Variants in AGBL4 observed in about 807,000 individuals in gnomAD.
AGBL4 encodes the protein cytosolic carboxypeptidase 6.
A neutral mutation model predicts 66.4 loss-of-function variants in AGBL4; 58 were observed. That is an observed-to-expected ratio of 0.87 (90% CI 0.71 to 1.09). The LOEUF (loss-of-function observed/expected upper bound fraction) is 1.09. Among genes scored for constraint, AGBL4 ranks in the 50% least tolerant of loss-of-function variants. The probability of loss-of-function intolerance (pLI) is 0.00; values close to 1 mark genes in which losing one functional copy is unlikely to be tolerated. For missense variants in AGBL4, 579 were observed against 631.0 expected (o/e 0.92, Z 0.88); for synonymous variants, 234 against 222.9 (o/e 1.05, Z -0.44).
At chr1:49,745,490 T>C (rs1380917887) in intron 2 of AGBL4, among the ~76,000 whole-genome samples, 3 of 152,046 alleles carry the variant, frequency 2.0e-5, no homozygotes, top group Non-Finnish European at 2.9e-5. Flanking sequence ...ATAGTATATA[T>C]AGTGTTCAGA....
At chr1:48,916,131 G>T (rs1218125899) in intron 5 of AGBL4, among the ~76,000 whole-genome samples, 1 of 152,190 alleles carries the variant, frequency 6.6e-6, no homozygotes, top group African/African-American at 2.4e-5. Context: ...CAGGGCAAGG[G>T]CTTAGTGAAT....
chr1:48,667,807 T>C (rs912334518), intron 6 of AGBL4, among the ~76,000 whole-genome samples: 3 of 152,282 alleles, frequency 2.0e-5, no homozygotes, highest in Non-Finnish European at 2.9e-5. Flanking sequence ...CTGTTGCTGG[T>C]AGAGGTAGAT....
chr1:48,848,713 A>G (rs1402582821), intron 6 of AGBL4, among the ~76,000 whole-genome samples: 1 of 152,190 alleles, frequency 6.6e-6, no homozygotes, highest in African/African-American at 2.4e-5. Flanking sequence ...TTCTTTGGGC[A>G]CTGTGAAGTC....
chr1:49,671,171 G>A (rs914540820), intron 3 of AGBL4, among the ~76,000 whole-genome samples: 3 of 151,858 alleles, frequency 2.0e-5, no homozygotes, highest in African/African-American at 4.8e-5. Context: ...TAGAGAGCCC[G>A]GAAATAAAGC....
chr1:48,579,895 G>A (rs1644712385), intron 11 of AGBL4, among the ~76,000 whole-genome samples: 1 of 145,142 alleles, frequency 6.9e-6, no homozygotes, highest in Non-Finnish European at 1.5e-5. Context: ...TCCAGCCTGG[G>A]CGAAAGTGAG....
At chr1:48,976,750 CT>C (rs1659367907) in intron 5 of AGBL4, among the ~76,000 whole-genome samples, 1 of 152,080 alleles carries the variant, frequency 6.6e-6, no homozygotes, top group African/African-American at 2.4e-5. Context: ...CTGGAATGCT[CT>C]TCCCCTAGAG....
chr1:48,644,737 G>T (rs1455801196), intron 8 of AGBL4, among the ~76,000 whole-genome samples: 3 of 152,196 alleles, frequency 2.0e-5, no homozygotes, highest in Admixed American at 6.5e-5. Flanking sequence ...AAGCTGAAAA[G>T]AAAGTTTGAG....
rs1356058083 is a variant in AGBL4 at position 48,816,737 on chromosome 1, C to T, written c.634+50454G>A. Among the ~76,000 whole-genome samples, 5 of 152,140 alleles carry T rather than the reference C, an allele frequency of 3.3e-5. No individual in the cohort carries two copies. The East Asian group carries it at 7.7e-4, about 23-fold the overall frequency. On this transcript the variant is annotated intron_variant, in intron 6 of 13. Coordinates refer to ENST00000371839, the MANE Select transcript of AGBL4 (RefSeq NM_032785.4). ...TACAGTAATTCAACAAATGTTTGAA[C>T]ACCAACTATGTGCCCAGCAGAGAGA...
intron 1 of AGBL4, among the ~76,000 whole-genome samples, chr1:49,922,421 T>C (rs1357503021): frequency 1.3e-5 from 2 of 152,034 alleles, no homozygotes; most frequent in African/African-American, 4.8e-5. Flanking sequence ...CTCTCACCAC[T>C]CCAATTCAAC....
intron 4 of AGBL4, among the ~76,000 whole-genome samples, chr1:49,095,818 C>A (rs1248957385): frequency 6.6e-6 from 1 of 151,266 alleles, no homozygotes; most frequent in African/African-American, 2.4e-5. Flanking sequence ...GCAATGGCAA[C>A]AAAAGCCAAA....
At chr1:48,772,337 T>C (rs1644877469) in intron 6 of AGBL4, among the ~76,000 whole-genome samples, 1 of 152,206 alleles carries the variant, frequency 6.6e-6, no homozygotes, top group Non-Finnish European at 1.5e-5. Context: ...ATGTACTTTG[T>C]CCACTCCTTT....
chr1:49,431,177 C>T (rs992965536), intron 3 of AGBL4, among the ~76,000 whole-genome samples: 1 of 152,082 alleles, frequency 6.6e-6, no homozygotes, highest in African/African-American at 2.4e-5. Context: ...AGAGGGTATA[C>T]ATATATTCAG....
At chr1:49,750,755 C>T (rs1228135570) in intron 2 of AGBL4, among the ~76,000 whole-genome samples, 4 of 152,022 alleles carry the variant, frequency 2.6e-5, no homozygotes, top group Non-Finnish European at 5.9e-5. Flanking sequence ...TGTGTCCTCT[C>T]TTAGTTCCTT....
intron 6 of AGBL4, among the ~76,000 whole-genome samples, chr1:48,677,560 C>G (rs367549352): frequency 6.6e-6 from 1 of 152,274 alleles, no homozygotes; most frequent in Admixed American, 6.5e-5. Flanking sequence ...CCTTGCAGAA[C>G]GGCTGGCACT....
intron 4 of AGBL4, among the ~76,000 whole-genome samples, chr1:49,162,252 G>A (rs1646554667): frequency 6.6e-6 from 1 of 152,060 alleles, no homozygotes; most frequent in South Asian, 2.1e-4. Flanking sequence ...ATGATGTTCT[G>A]TCTTATTTTT....
chr1:48,874,743 A>G (rs1649051327), intron 5 of AGBL4, among the ~76,000 whole-genome samples: 1 of 152,136 alleles, frequency 6.6e-6, no homozygotes, highest in African/African-American at 2.4e-5. Flanking sequence ...GGCTGGAGGA[A>G]GGAGTGGGGA....
rs182448540 is a variant in AGBL4, at chr1:49,276,612, G to A, written c.283-30748C>T. 1.2e-3 allele frequency among the ~76,000 whole-genome samples: 176 copies of A among 152,250 alleles called. 2 individuals are homozygous for A. The highest frequency in any genetic ancestry group is 3.3e-3 in the Admixed American group (50 of 15,290). ...GAGAGTCTGACACCTTTAAAGGTCT[G>A]ATAGAAACACGTACCATCTATTCTC... On this transcript the variant is annotated intron_variant, in intron 3 of 13. Transcript: ENST00000371839.
At chr1:49,611,568 A>G (rs1571169819) in intron 3 of AGBL4, among the ~76,000 whole-genome samples, 1 of 151,798 alleles carries the variant, frequency 6.6e-6, no homozygotes, top group South Asian at 2.1e-4. Context: ...TAGTAGAGAC[A>G]GGGTTTCACC....
intron 4 of AGBL4, among the ~76,000 whole-genome samples, chr1:49,158,536 A>T (rs1646478694): frequency 6.6e-6 from 1 of 152,142 alleles, no homozygotes; most frequent in Non-Finnish European, 1.5e-5. Context: ...AGAAGAATGT[A>T]TATTCTGTTG....
Sources: allele counts gnomAD v4.1 joint callset (sites outside exome capture counted in the v4.1 genomes callset), GRCh38; gene constraint gnomAD v4.1.1; transcripts MANE v1.5; gene names NCBI Gene and HGNC (gene_info 2026-07-23, HGNC 2026-07-21).